Variants in PRKAG2 observed in about 807,000 individuals in gnomAD.
PRKAG2 encodes the protein protein kinase AMP-activated non-catalytic subunit gamma 2.
Under a neutral mutation model 69.6 loss-of-function variants are expected in PRKAG2, and 26 were observed. That is an observed-to-expected ratio of 0.37 (90% CI 0.27 to 0.52). PRKAG2 has a LOEUF of 0.52. Among genes scored for constraint, PRKAG2 ranks in the 20% least tolerant of loss-of-function variants. PRKAG2 has a pLI of 0.90. For synonymous variants in PRKAG2, 293 were observed against 285.0 expected, an observed-to-expected ratio of 1.03 and a Z score of -0.28; for missense variants, 557 against 740.0, an observed-to-expected ratio of 0.75 and a Z score of 2.87.
chr7:151,701,700 G>A lies in PRKAG2; in HGVS notation c.467-26063C>T, dbSNP rs543590541. 2.0e-3 allele frequency among the ~76,000 whole-genome samples: 308 copies of A among 152,156 alleles called. 1 individual carries two copies. Among genetic ancestry groups the A allele is most frequent in the Middle Eastern group, 6.8e-3 (2 of 294 alleles). The stretch of plus-strand genomic sequence containing the variant: ...CTACTAAAAATACAAAAAATTAGCC[G>A]GCCTGGTGGTGGGCACCTGTAGTCC... On this transcript the variant is annotated intron_variant, in intron 3 of 15. Transcript: ENST00000287878.
intron 1 of PRKAG2, chr7:151,790,706 T>C (rs1454804660): frequency 1.3e-5 from 2 of 152,254 alleles, no homozygotes; most frequent in Non-Finnish European, 2.9e-5. Context: ...TTATCGCCCA[T>C]TTTAATGAGC....
chr7:151,808,276 C>T (rs1267227692), intron 1 of PRKAG2, among the ~76,000 whole-genome samples: 1 of 152,192 alleles, frequency 6.6e-6, no homozygotes, highest in African/African-American at 2.4e-5. Context: ...AGTGCCTCGG[C>T]ATTTGGGACC....
At chr7:151,795,890 T>TATATATAA (rs1491286413) in intron 1 of PRKAG2, among the ~76,000 whole-genome samples, 1 of 96,590 alleles carries the variant, frequency 1.0e-5, no homozygotes. Context: ...TATATATATA[T>TATATATAA]CACGATAATA....
chr7:151,632,729 G>C lies in PRKAG2; in HGVS notation c.685-591C>G. ...CCTCTTCCCTTTCCAAATTTTAGATGTAACTGCCCATCCTCGGCCCCCTTA... is the reference window on the plus strand; with the variant it reads ...CCTCTTCCCTTTCCAAATTTTAGATCTAACTGCCCATCCTCGGCCCCCTTA... On this transcript the variant is annotated intron_variant, in intron 4 of 15. Coordinates refer to ENST00000287878, the MANE Select transcript of PRKAG2 (RefSeq NM_016203.4). This position sits in a 1 kb window ranked among gnomAD's most constrained non-coding sequence, Gnocchi z 4.2. 2.4e-6 allele frequency: 1 copy of C among 414,558 alleles called. No homozygotes were observed. Among genetic ancestry groups the C allele is most frequent in the South Asian group, 1.0e-4 (1 of 9,972 alleles). The allele number at this position is 414,558 out of a possible 1,614,324, so 25.7% of individuals were successfully genotyped here. A position where few individuals can be genotyped will look rare whatever the true frequency, so the allele number is the denominator to read the frequency against.
At chr7:151,815,700 A>G (rs959452530) in intron 1 of PRKAG2, among the ~76,000 whole-genome samples, 13 of 152,136 alleles carry the variant, frequency 8.5e-5, no homozygotes, top group African/African-American at 2.9e-4. Flanking sequence ...CTGAGTCTGC[A>G]TGTCTTCCTG....
At position 151,765,608 on chromosome 7, in the gene PRKAG2, C is replaced by G. The variant is rs1413134234; in HGVS notation, c.466+15544G>C. On this transcript the variant is annotated intron_variant, in intron 3 of 15. Coordinates refer to ENST00000287878, the MANE Select transcript of PRKAG2 (RefSeq NM_016203.4). ...TCACTGGGCCTTCTTTTAAGGACAC[C>G]AGTCATTCTGGACTGAGGGCCCACA... Among the ~76,000 whole-genome samples, 4 of 152,268 alleles carry G rather than the reference C, an allele frequency of 2.6e-5. No homozygotes were observed. In the South Asian group the frequency reaches 6.2e-4, roughly 24 times the overall value.
chr7:151,643,039 G>A (rs1319114170), intron 4 of PRKAG2, among the ~76,000 whole-genome samples: 1 of 152,210 alleles, frequency 6.6e-6, no homozygotes, highest in Non-Finnish European at 1.5e-5. Flanking sequence ...CAGCATGATT[G>A]CCTTGCTACC....
intron 2 of PRKAG2, among the ~76,000 whole-genome samples, chr7:151,785,230 G>T (rs1283416991): frequency 2.6e-5 from 4 of 152,254 alleles, no homozygotes; most frequent in African/African-American, 9.6e-5. Context: ...GCCAGGGCCT[G>T]GCTGTGGCCC....
intron 1 of PRKAG2, among the ~76,000 whole-genome samples, chr7:151,867,835 T>C (rs1341215891): frequency 6.6e-6 from 1 of 152,140 alleles, no homozygotes; most frequent in Non-Finnish European, 1.5e-5. Context: ...AGTGGAGAAT[T>C]TGCATCCTAT....
intron 1 of PRKAG2, among the ~76,000 whole-genome samples, chr7:151,860,263 G>A (rs1321394907): frequency 3.3e-5 from 5 of 152,340 alleles, no homozygotes; most frequent in South Asian, 2.1e-4. Context: ...ACAGGCCCTC[G>A]GACAGGCAAG....
chr7:151,857,937 G>A (rs925897774), intron 1 of PRKAG2, among the ~76,000 whole-genome samples: 7 of 152,190 alleles, frequency 4.6e-5, no homozygotes, highest in African/African-American at 1.7e-4. Context: ...TACTCCTTTG[G>A]CTGCTCCCTA....
intron 1 of PRKAG2, among the ~76,000 whole-genome samples, chr7:151,794,832 A>G (rs1030113685): frequency 2.6e-5 from 4 of 152,214 alleles, no homozygotes; most frequent in African/African-American, 9.6e-5. Context: ...GTCCTCGTGC[A>G]AAGGGCAGCC....
chr7:151,834,736 GC>G (rs1296746337), intron 1 of PRKAG2, among the ~76,000 whole-genome samples: 1 of 152,214 alleles, frequency 6.6e-6, no homozygotes, highest in Non-Finnish European at 1.5e-5. Context: ...AGTGTGGAGG[GC>G]TACGGCGCAG....
chr7:151,652,165 A>C (rs950521427), intron 4 of PRKAG2, among the ~76,000 whole-genome samples: 2 of 152,206 alleles, frequency 1.3e-5, no homozygotes, highest in African/African-American at 4.8e-5. Flanking sequence ...ATTTTTATTT[A>C]GCAGTTAAAT....
At chr7:151,773,397 G>C (rs2076185299) in intron 3 of PRKAG2, among the ~76,000 whole-genome samples, 1 of 152,150 alleles carries the variant, frequency 6.6e-6, no homozygotes, top group South Asian at 2.1e-4. Context: ...TCAGCACCTG[G>C]ACTAAAAGTG....
intron 1 of PRKAG2, among the ~76,000 whole-genome samples, chr7:151,874,990 T>C (rs1050804320): frequency 2.0e-5 from 3 of 152,212 alleles, no homozygotes; most frequent in African/African-American, 2.4e-5. Context: ...ATTTGACAAA[T>C]GGGAGAAACA....
intron 3 of PRKAG2, among the ~76,000 whole-genome samples, chr7:151,764,483 G>T (rs988964060): frequency 2.0e-5 from 3 of 152,208 alleles, no homozygotes; most frequent in African/African-American, 7.2e-5. Flanking sequence ...CTAGGGACCT[G>T]CTACCCCCGC....
chr7:151,718,612 C>CAAAA (rs35143182), intron 3 of PRKAG2, among the ~76,000 whole-genome samples: 2 of 74,764 alleles, frequency 2.7e-5, no homozygotes, highest in African/African-American at 3.9e-5. Context: ...CCCCAGGATG[C>CAAAA]AAAAAAAAAA....
chr7:151,594,628 C>T (rs1294181442), intron 6 of PRKAG2, among the ~76,000 whole-genome samples: 1 of 151,986 alleles, frequency 6.6e-6, no homozygotes, highest in Non-Finnish European at 1.5e-5. Context: ...ATCATATGTT[C>T]TACTAAATAA....
Sources: gnomAD v4.1 joint callset for allele counts (sites outside exome capture counted in the v4.1 genomes callset) on GRCh38, gnomAD v4.1.1 for gene constraint, Gnocchi (gnomAD v3.1) non-coding constraint, MANE v1.5 for transcripts, NCBI Gene and HGNC (gene_info 2026-07-23, HGNC 2026-07-21) for gene names.